Variants in KIAA1210 observed in about 807,000 individuals in gnomAD.
KIAA1210 encodes the protein KIAA1210.
KIAA1210 carries 48 observed loss-of-function variants against 78.9 expected under a neutral mutation model. The ratio of observed to expected loss-of-function variants is 0.61; its 90% CI spans 0.48 to 0.77. KIAA1210 has a LOEUF of 0.77. KIAA1210 is among the 30% of genes least tolerant of loss of function. The probability of loss-of-function intolerance (pLI) is 0.00; values close to 1 mark genes in which losing one functional copy is unlikely to be tolerated. For missense variants in KIAA1210, 1,108 were observed against 1,100.0 expected (o/e 1.01, Z -0.10); for synonymous variants, 406 against 404.5 (o/e 1.00, Z -0.04).
At chrX:119,095,892 C>T (rs1927537597) in intron 7 of KIAA1210, among the ~76,000 whole-genome samples, 1 of 111,791 alleles carries the variant, frequency 8.9e-6, no homozygotes, top group South Asian at 3.8e-4. Flanking sequence ...TAAATGGCCC[C>T]AGATTGTTTC....
intron 2 of KIAA1210, among the ~76,000 whole-genome samples, chrX:119,146,216 G>A (rs1929164016): frequency 8.9e-6 from 1 of 111,877 alleles, no homozygotes; most frequent in Non-Finnish European, 1.9e-5. Context: ...GAGGTGATGG[G>A]TATGTTAGTT....
At position 119,085,534 on chromosome X, in the gene KIAA1210, C is replaced by T; in HGVS notation, c.4169G>A (p.Gly1390Asp). ...TGAGACAGCATAATCTGACTGTTGA[C>T]CAGCAGGCTTTCCTGAGAAAGAAAT... ...PACKTPGKPA[G>D]QQSDYAVSEP... is the part of the protein sequence containing the mutation. The change falls in exon 10 of 12, where the codon GGT becomes GAT. Residue 1390 changes from glycine (G) to aspartate (D), a missense_variant. Gly to Asp is a moderately conservative substitution (Grantham distance 94). Transcript: ENST00000691062. 8.3e-7 allele frequency: 1 copy of T among 1,207,917 alleles called. No homozygotes were observed. The highest frequency in any genetic ancestry group is 1.8e-5 in the South Asian group (1 of 55,880).
At chrX:119,097,716 A>C (rs1339449050) in intron 6 of KIAA1210, among the ~76,000 whole-genome samples, 1 of 112,050 alleles carries the variant, frequency 8.9e-6, no homozygotes, top group Non-Finnish European at 1.9e-5. Flanking sequence ...CTTGGTTATG[A>C]AGATGGCACT....
At position 119,150,338 on chromosome X, in the gene KIAA1210, C is replaced by T; in HGVS notation, c.242G>A (p.Arg81Gln). The T allele has an allele frequency of 1.7e-6, 2 of 1,207,745 alleles. No homozygotes were observed. Among genetic ancestry groups the T allele is most frequent in the Non-Finnish European group, 2.2e-6 (2 of 893,473 alleles). Residue 81 changes from arginine to glutamine, a missense_variant, in exon 1 of 14, where the codon CGG (arginine) becomes CAG (glutamine). Arg to Gln is a conservative substitution (Grantham distance 43, BLOSUM62 1). Coordinates refer to the KIAA1210 transcript ENST00000402510. ...TCGCGGTGTGCAGGGCAGGAAGCCC[C>T]GGGAATAACTAGGTATTTCCAGGTC...
chrX:119,149,261 G>A (rs1400622841), intron 1 of KIAA1210, among the ~76,000 whole-genome samples: 2 of 111,119 alleles, frequency 1.8e-5, no homozygotes, highest in African/African-American at 3.3e-5. Context: ...TCTACCTCTT[G>A]CAAACTGCTG....
At chrX:119,128,866 G>A (rs1457849055), upstream of KIAA1210, among the ~76,000 whole-genome samples, 2 of 110,500 alleles carry the variant, frequency 1.8e-5, no homozygotes, top group Non-Finnish European at 3.8e-5. Flanking sequence ...GTAGAGACGG[G>A]GTTTCTCCAT....
chrX:119,084,021 A>C (rs1927052079), intron 10 of KIAA1210, among the ~76,000 whole-genome samples: 1 of 106,028 alleles, frequency 9.4e-6, no homozygotes, highest in South Asian at 4.3e-4. Context: ...AAAAAAAAAA[A>C]AAAAAAGCTT....
chrX:119,099,234 A>G (rs1470654174), intron 6 of KIAA1210, among the ~76,000 whole-genome samples: 1 of 112,857 alleles, frequency 8.9e-6, no homozygotes, highest in African/African-American at 3.2e-5. Flanking sequence ...AAGATACTTA[A>G]TTTACTTTAG....
intron 4 of KIAA1210, among the ~76,000 whole-genome samples, chrX:119,108,800 T>C (rs774543035): frequency 9.5e-6 from 1 of 105,673 alleles, no homozygotes; most frequent in East Asian, 3.0e-4. Context: ...GCCATGATCA[T>C]GCCACTGCAC....
chrX:119,113,925 T>G, intron 3 of KIAA1210, among the ~76,000 whole-genome samples: 1 of 111,302 alleles, frequency 9.0e-6, no homozygotes, highest in East Asian at 2.8e-4. Context: ...ATAAGAAAAT[T>G]TATAGAGGCA....
At chrX:119,123,500 C>T (rs935873778) in intron 2 of KIAA1210, 82 bp downstream of exon 2, 11 of 703,605 alleles carry the variant, frequency 1.6e-5, no homozygotes, top group African/African-American at 1.5e-4. Flanking sequence ...TTTTCTTGTG[C>T]CTTGCTTCTT....
chrX:119,130,190 C>T (rs773283629), upstream of KIAA1210, among the ~76,000 whole-genome samples: 1 of 112,241 alleles, frequency 8.9e-6, no homozygotes, highest in Admixed American at 9.4e-5. Context: ...ACTCAAGGCC[C>T]TCTGCAATCT....
chrX:119,102,885 A>G (rs1348058100), intron 6 of KIAA1210, among the ~76,000 whole-genome samples: 2 of 112,071 alleles, frequency 1.8e-5, no homozygotes, highest in African/African-American at 3.2e-5. Flanking sequence ...ACCTGAGACA[A>G]ATGCATATTT....
intron 8 of KIAA1210, 109 bp from the exon 9 acceptor site, chrX:119,089,855 G>A: frequency 4.2e-6 from 3 of 716,466 alleles, no homozygotes; most frequent in Non-Finnish European, 6.1e-6. Flanking sequence ...AAATTTCCTA[G>A]TATGAGGAAG....
chrX:119,137,219 T>C (rs5957119), intron 2 of KIAA1210, among the ~76,000 whole-genome samples: 8,164 of 112,177 alleles, frequency 0.073, 724 homozygotes, highest in African/African-American at 0.25. Flanking sequence ...TTCACTTCTC[T>C]CCCATTTTGT....
At chrX:119,095,140 G>T (rs143894521) in intron 7 of KIAA1210, among the ~76,000 whole-genome samples, 217 of 112,448 alleles carry the variant, frequency 1.9e-3, no homozygotes, top group Non-Finnish European at 3.3e-3. Context: ...TGTTGAGCTG[G>T]AAGTCAGAAG....
At chrX:119,099,411 T>G (rs1927664958) in intron 6 of KIAA1210, among the ~76,000 whole-genome samples, 1 of 112,107 alleles carries the variant, frequency 8.9e-6, no homozygotes, top group Admixed American at 9.4e-5. Flanking sequence ...AGCTTGACTC[T>G]CACTAAGGAA....
At chrX:119,114,517 G>C (rs1485878879) in intron 3 of KIAA1210, among the ~76,000 whole-genome samples, 4 of 112,053 alleles carry the variant, frequency 3.6e-5, no homozygotes, top group Non-Finnish European at 7.5e-5. Flanking sequence ...CTATATACAC[G>C]CATACGCTCA....
chrX:119,096,741 G>A, intron 6 of KIAA1210, 50 bp from the exon 7 acceptor site: 1 of 949,977 alleles, frequency 1.1e-6, no homozygotes, highest in Non-Finnish European at 1.4e-6. Context: ...GCTGTTACTG[G>A]TCTCAAAAGT....
Sources: allele counts gnomAD v4.1 joint callset (sites outside exome capture counted in the v4.1 genomes callset), GRCh38; gene constraint gnomAD v4.1.1; transcripts MANE v1.5; gene names NCBI Gene and HGNC (gene_info 2026-07-23, HGNC 2026-07-21).